MGAT4C: variants seen among roughly 807,000 people sequenced by gnomAD.
MGAT4C encodes the protein alpha-1,3-mannosyl-glycoprotein 4-beta-N-acetylglucosaminyltransferase C.
Under a neutral mutation model 40.1 loss-of-function variants are expected in MGAT4C, and 19 were observed. The observed-to-expected ratio is 0.47, with a 90% CI of 0.33 to 0.70. MGAT4C has a LOEUF of 0.70. Among genes scored for constraint, MGAT4C ranks in the 30% least tolerant of loss-of-function variants. The pLI is 0.02. For missense variants in MGAT4C, 491 were observed against 563.2 expected (o/e 0.87, Z 1.30); for synonymous variants, 181 against 187.1 (o/e 0.97, Z 0.27).
intron 2 of MGAT4C, among the ~76,000 whole-genome samples, chr12:86,606,485 C>T (rs1342490394): frequency 6.6e-6 from 1 of 152,096 alleles, no homozygotes; most frequent in Non-Finnish European, 1.5e-5. Flanking sequence ...CTGTAATTAG[C>T]AATGAACTAC....
rs1017617170 is a variant in MGAT4C at position 85,967,731 on chromosome 12, T to C, written c.*11558A>G. ...AAAAGTGATTTTAATTAAATGGACA[T>C]GTTTCTCTTTAGCCAGAAATGACTG... is the stretch of plus-strand genomic sequence containing the variant. On this transcript the variant is annotated 3_prime_UTR_variant, in exon 5 of 5. Transcript: ENST00000611864. 16 of 152,130 alleles carry C rather than the reference T, an allele frequency of 1.1e-4. No individual in the cohort carries two copies. The highest frequency in any genetic ancestry group is 3.9e-4 in the African/African-American group (16 of 41,460). The allele number at this position is 152,130 out of a possible 1,614,324, so 9.4% of individuals were successfully genotyped here.
chr12:86,472,959 G>GTATT (rs778221233), intron 2 of MGAT4C, among the ~76,000 whole-genome samples: 49 of 151,926 alleles, frequency 3.2e-4, no homozygotes, highest in Non-Finnish European at 5.7e-4. Flanking sequence ...ATTTATTTAC[G>GTATT]TATTTATTTA....
chr12:86,243,629 A>G (rs533671840), intron 1 of MGAT4C, among the ~76,000 whole-genome samples: 3 of 152,320 alleles, frequency 2.0e-5, no homozygotes, highest in African/African-American at 7.2e-5. Flanking sequence ...AAGGCGGCCT[A>G]TAGATTCTGA....
intron 1 of MGAT4C, among the ~76,000 whole-genome samples, chr12:86,229,981 T>A (rs1301873782): frequency 6.6e-6 from 1 of 151,962 alleles, no homozygotes; most frequent in Non-Finnish European, 1.5e-5. Flanking sequence ...CCTTGCAAAT[T>A]CCCATGGAAA....
chr12:86,369,929 T>A (rs1334174957), intron 3 of MGAT4C, among the ~76,000 whole-genome samples: 1 of 152,048 alleles, frequency 6.6e-6, no homozygotes, highest in African/African-American at 2.4e-5. Context: ...TGATTAGGTA[T>A]TCTGGATTTT....
At chr12:86,833,003 T>C (rs1265717382) in intron 1 of MGAT4C, among the ~76,000 whole-genome samples, 1 of 151,894 alleles carries the variant, frequency 6.6e-6, no homozygotes, top group African/African-American at 2.4e-5. Flanking sequence ...AATATTGAGG[T>C]AGACATTTAC....
At chr12:86,804,354 C>T (rs900070930) in intron 1 of MGAT4C, among the ~76,000 whole-genome samples, 4 of 146,480 alleles carry the variant, frequency 2.7e-5, no homozygotes, top group Non-Finnish European at 6.0e-5. Context: ...CAGCACGGCA[C>T]ATGTATACAT....
At chr12:86,677,394 C>G in intron 2 of MGAT4C, among the ~76,000 whole-genome samples, 1 of 152,058 alleles carries the variant, frequency 6.6e-6, no homozygotes, top group East Asian at 1.9e-4. Flanking sequence ...GGCTATAGAG[C>G]TATGTACACA....
At chr12:86,051,838 C>T (rs1565911732) in intron 1 of MGAT4C, among the ~76,000 whole-genome samples, 1 of 151,174 alleles carries the variant, frequency 6.6e-6, no homozygotes, top group Admixed American at 6.6e-5. Context: ...GTGACTGTCT[C>T]CTTTCTGAAG....
rs1445055772 is a variant in MGAT4C at position 86,116,169 on chromosome 12, G to T, written c.-56-66446C>A. Among the ~76,000 whole-genome samples the T allele has an allele frequency of 2.0e-5, 3 of 151,772 alleles. 1 individual carries two copies. Among genetic ancestry groups the T allele is most frequent in the Non-Finnish European group, 4.4e-5 (3 of 67,942 alleles). Reference sequence around the variant, plus strand: ...CAATTGAATTGATGGTCAGGGCCCAGATCACATTGGGCCTTAGAGGAAAGA... The same window carrying T: ...CAATTGAATTGATGGTCAGGGCCCATATCACATTGGGCCTTAGAGGAAAGA... On this transcript the variant is annotated intron_variant, in intron 1 of 4. Coordinates refer to ENST00000611864, the MANE Select transcript of MGAT4C (RefSeq NM_001351288.2).
At chr12:86,174,126 C>CAT (rs1421114952) in intron 1 of MGAT4C, among the ~76,000 whole-genome samples, 94 of 90,430 alleles carry the variant, frequency 1.0e-3, no homozygotes, top group Middle Eastern at 5.1e-3. Context: ...CACACACATA[C>CAT]ACACACACAC....
chr12:86,161,384 C>T (rs1885568862), intron 1 of MGAT4C, among the ~76,000 whole-genome samples: 1 of 151,912 alleles, frequency 6.6e-6, no homozygotes, highest in African/African-American at 2.4e-5. Context: ...TTTGACAAGG[C>T]TGACAAAAAA....
intron 2 of MGAT4C, among the ~76,000 whole-genome samples, chr12:86,458,802 T>G (rs1026504534): frequency 1.1e-4 from 16 of 152,192 alleles, no homozygotes; most frequent in Non-Finnish European, 1.6e-4. Flanking sequence ...ATATGAACAT[T>G]TATTATAATG....
intron 2 of MGAT4C, among the ~76,000 whole-genome samples, chr12:86,642,445 G>A (rs893923878): frequency 6.6e-6 from 1 of 151,730 alleles, no homozygotes; most frequent in Admixed American, 6.6e-5. Flanking sequence ...TTTTTGGTAA[G>A]TATAACATAA....
chr12:86,007,606 A>G (rs975507040), intron 2 of MGAT4C, among the ~76,000 whole-genome samples: 2 of 152,086 alleles, frequency 1.3e-5, no homozygotes, highest in Non-Finnish European at 2.9e-5. Flanking sequence ...CAAACTTTAA[A>G]ACAAAAATGT....
At chr12:86,510,250 T>G (rs1958549299) in intron 2 of MGAT4C, among the ~76,000 whole-genome samples, 1 of 152,110 alleles carries the variant, frequency 6.6e-6, no homozygotes, top group South Asian at 2.1e-4. Flanking sequence ...ATACCTAATT[T>G]ATTGAGAGTT....
At chr12:86,652,703 G>A (rs774485003) in intron 2 of MGAT4C, among the ~76,000 whole-genome samples, 11 of 151,812 alleles carry the variant, frequency 7.2e-5, no homozygotes, top group Non-Finnish European at 1.5e-4. Context: ...GAAATACCAC[G>A]CCTAAGTAGC....
chr12:86,121,478 G>A (rs1592997118), intron 1 of MGAT4C, among the ~76,000 whole-genome samples: 1 of 152,130 alleles, frequency 6.6e-6, no homozygotes, highest in Non-Finnish European at 1.5e-5. Context: ...AGGAAAAAAT[G>A]TTAAGGGCAG....
At position 86,359,815 on chromosome 12, in the gene MGAT4C, C is replaced by A. The variant is rs1303491388; in HGVS notation, c.-119-25688G>T. Among the ~76,000 whole-genome samples the A allele has an allele frequency of 3.3e-5, 5 of 152,224 alleles. No homozygotes were observed. The South Asian group carries it at 6.2e-4, about 19-fold the overall frequency. On this transcript the variant is annotated intron_variant, in intron 3 of 7. Coordinates refer to the MGAT4C transcript ENST00000548651. ...AATCTCTGAATAGACCAATAACAGG[C>A]TCTGAAATTGAGGCCATAATTAATC...
Sources: gnomAD v4.1 joint callset for allele counts (sites outside exome capture counted in the v4.1 genomes callset) on GRCh38, gnomAD v4.1.1 for gene constraint, MANE v1.5 for transcripts, NCBI Gene and HGNC (gene_info 2026-07-23, HGNC 2026-07-21) for gene names.